Variants in SCLY observed in about 807,000 individuals in gnomAD.
SCLY encodes the protein selenocysteine lyase, also known as putative selenocysteine lyase.
SCLY carries 38 observed loss-of-function variants against 50.1 expected under a neutral mutation model. The ratio of observed to expected loss-of-function variants is 0.76; its 90% CI spans 0.59 to 0.99. SCLY has a LOEUF of 0.99. Among genes scored for constraint, SCLY ranks in the 50% least tolerant of loss-of-function variants. The probability of loss-of-function intolerance (pLI) is 0.00; values close to 1 mark genes in which losing one functional copy is unlikely to be tolerated. For missense variants in SCLY, 600 were observed against 620.0 expected (o/e 0.97, Z 0.34); for synonymous variants, 243 against 249.4 (o/e 0.97, Z 0.24).
intron 4 of SCLY, chr2:238,073,841 A>G (rs1269798694): frequency 2.2e-6 from 1 of 448,028 alleles, no homozygotes. Context: ...CTTCCACTTA[A>G]TTAATAGTAA....
intron 6 of SCLY, chr2:238,082,741 A>G (rs769671732): frequency 8.4e-5 from 15 of 179,498 alleles, no homozygotes; most frequent in Non-Finnish European, 1.4e-4. Flanking sequence ...GGCCCGAGAT[A>G]TTTTTAGTAC....
At chr2:238,068,782 TAACA>T (rs902084277) in intron 3 of SCLY, among the ~76,000 whole-genome samples, 4 of 152,242 alleles carry the variant, frequency 2.6e-5, no homozygotes, top group South Asian at 2.1e-4. Flanking sequence ...GGTTTTGCTG[TAACA>T]AACAGTGCTG....
intron 4 of SCLY, among the ~76,000 whole-genome samples, chr2:238,075,558 T>G (rs2065165130): frequency 6.6e-6 from 1 of 152,210 alleles, no homozygotes; most frequent in African/African-American, 2.4e-5. Flanking sequence ...TCTTTACTTT[T>G]TATAGGTTTG....
rs116614233 is a variant in SCLY, at chr2:238,083,515, A to C, written c.884+161A>C. ...AACTGGCTCCACTGATTGATTTTAC[A>C]CTGAGGGCTCACAGGACCTGCAGTC... On this transcript the variant is annotated intron_variant, in intron 7 of 11. Coordinates refer to ENST00000254663, the MANE Select transcript of SCLY (RefSeq NM_016510.7). This position sits in a 1 kb window ranked among gnomAD's most constrained non-coding sequence, Gnocchi z 4.3. Among the ~76,000 whole-genome samples the C allele has an allele frequency of 1.9e-3, 282 of 152,278 alleles. 1 individual carries two copies. The highest frequency in any genetic ancestry group is 6.4e-3 in the African/African-American group (266 of 41,562).
rs562920709 is a variant in SCLY, at chr2:238,086,942, C to T, written c.884+3588C>T. On this transcript the variant is annotated intron_variant, in intron 7 of 11. Coordinates refer to ENST00000254663, the MANE Select transcript of SCLY (RefSeq NM_016510.7). ...GCTGAGGCAGGAGAATCGCTTGAAC[C>T]CGGGAGGCAGAGGTTGTGGTGACCC... Among the ~76,000 whole-genome samples the T allele has an allele frequency of 7.9e-5, 12 of 151,392 alleles. 1 individual carries two copies. The East Asian group carries it at 2.3e-3, about 30-fold the overall frequency.
chr2:238,091,520 C>CGACCACCG, intron 8 of SCLY: 5 of 447,138 alleles, frequency 1.1e-5, no homozygotes, highest in East Asian at 4.0e-5. Context: ...ACTGTTACAG[C>CGACCACCG]AGAGGTGAAG....
rs1026313584 is a variant in SCLY, at chr2:238,068,171, G to A, written c.303+6G>A. On this transcript the variant is annotated splice_donor_region_variant and intron_variant, in intron 3 of 11. Coordinates refer to ENST00000254663, the MANE Select transcript of SCLY (RefSeq NM_016510.7). The stretch of plus-strand genomic sequence containing the variant: ...TCACTTCCGGGGGCACTGAGGTAAA[G>A]CTTCTGAACACACTCACATTCTGTT... 6.4e-7 allele frequency: 1 copy of A among 1,561,310 alleles called. No individual in the cohort carries two copies. Among genetic ancestry groups the A allele is most frequent in the African/African-American group, 1.4e-5 (1 of 73,468 alleles).
rs2065083826 is a variant in SCLY, at chr2:238,067,760, T to C, written c.203-305T>C. Among the ~76,000 whole-genome samples, 1 of 152,214 alleles carries C rather than the reference T, an allele frequency of 6.6e-6. No homozygotes were observed. The highest frequency in any genetic ancestry group is 1.5e-5 in the Non-Finnish European group (1 of 68,038). On this transcript the variant is annotated intron_variant, in intron 2 of 11. Coordinates refer to ENST00000254663, the MANE Select transcript of SCLY (RefSeq NM_016510.7). This position sits in a 1 kb window ranked among gnomAD's most constrained non-coding sequence, Gnocchi z 4.3. ...GGCCACAGCTGCCCTCCCTCTAGCATCCAGTAAGAAGAAAGCCACATCTTG... is the reference window on the plus strand; with the variant it reads ...GGCCACAGCTGCCCTCCCTCTAGCACCCAGTAAGAAGAAAGCCACATCTTG...
intron 4 of SCLY, chr2:238,079,989 T>C (rs540506178): frequency 2.0e-5 from 3 of 152,364 alleles, no homozygotes; most frequent in East Asian, 1.9e-4. Flanking sequence ...TCCTGTCTTA[T>C]ATTTGGATTT....
intron 11 of SCLY, among the ~76,000 whole-genome samples, chr2:238,097,168 C>CGGGCTGGGGTGGGCTGGGGT (rs1310621335): frequency 1.1e-3 from 6 of 5,508 alleles, no homozygotes; most frequent in Non-Finnish European, 1.8e-3. Flanking sequence ...AGGGCTGGGG[C>CGGGCTGGGGTGGGCTGGGGT]GGGCTGGGGT....
intron 8 of SCLY, chr2:238,091,551 A>ATC: frequency 3.0e-5 from 12 of 404,472 alleles, no homozygotes; most frequent in Non-Finnish European, 4.2e-5. Flanking sequence ...CAGGTTCACC[A>ATC]TTCCCAAAGG....
rs964124983 is a variant in SCLY at position 238,099,125 on chromosome 2, C to T, written c.*770C>T. The T allele has an allele frequency of 1.0e-5, 4 of 399,672 alleles. No individual in the cohort carries two copies. Among genetic ancestry groups the T allele is most frequent in the Non-Finnish European group, 2.0e-5 (4 of 196,702 alleles). 24.8% of individuals were successfully genotyped at this position (399,672 alleles called of 1,614,324 possible). A position where few individuals can be genotyped will look rare whatever the true frequency, so the allele number is the denominator to read the frequency against. On this transcript the variant is annotated 3_prime_UTR_variant, in exon 12 of 12. Transcript: ENST00000254663. ...TTGTCCCTTTTGATCATTATTAACT[C>T]AGGGTTTCAGCTCCAACCTCGCTGA...
chr2:238,076,890 A>G (rs1255044556), intron 4 of SCLY, among the ~76,000 whole-genome samples: 1 of 152,182 alleles, frequency 6.6e-6, no homozygotes, highest in Non-Finnish European at 1.5e-5. Flanking sequence ...GTAGACATAT[A>G]TCCTAGAGTA....
chr2:238,070,517 TA>T (rs2065117743), intron 4 of SCLY, among the ~76,000 whole-genome samples: 1 of 151,942 alleles, frequency 6.6e-6, no homozygotes, highest in South Asian at 2.1e-4. Flanking sequence ...CCATCTCTAC[TA>T]AAAATACAAA....
At chr2:238,094,587 T>C (rs762750788) in intron 10 of SCLY, 65 bp downstream of exon 10, 1 of 1,351,174 alleles carries the variant, frequency 7.4e-7, no homozygotes. Flanking sequence ...TGGATTCTGG[T>C]CCGAGCCAGT....
chr2:238,081,611 C>T (rs772185280), intron 4 of SCLY, 98 bp from the exon 5 acceptor site: 1 of 1,486,454 alleles, frequency 6.7e-7, no homozygotes, highest in Non-Finnish European at 9.1e-7. Context: ...CAACAATTTA[C>T]TTTTATAGTT....
At chr2:238,081,596 T>G in intron 4 of SCLY, 113 bp from the exon 5 acceptor site, 1 of 1,436,848 alleles carries the variant, frequency 7.0e-7, no homozygotes, top group South Asian at 1.3e-5. Flanking sequence ...TCTTCTGAAC[T>G]TGGACAACAA....
chr2:238,098,818 C>G lies in SCLY; in HGVS notation c.*463C>G, dbSNP rs555270182. On this transcript the variant is annotated 3_prime_UTR_variant, in exon 12 of 12. Transcript: ENST00000254663. Reference sequence around the variant, plus strand: ...TAACTCATTGTCAGCCAAATGCTATCATGAACGTAGGAAACTTGATTTTTT... The same window carrying G: ...TAACTCATTGTCAGCCAAATGCTATGATGAACGTAGGAAACTTGATTTTTT... The G allele has an allele frequency of 1.5e-5, 5 of 331,540 alleles. No homozygotes were observed. In the South Asian group the frequency reaches 4.0e-4, roughly 27 times the overall value. The allele number at this position is 331,540 out of a possible 1,614,324, so 20.5% of individuals were successfully genotyped here. A position where few individuals can be genotyped will look rare whatever the true frequency, so the allele number is the denominator to read the frequency against.
rs563642516 is a variant in SCLY at position 238,068,284 on chromosome 2, C to T, written c.303+119C>T. The T allele has an allele frequency of 3.8e-6, 3 of 780,318 alleles. No individual in the cohort carries two copies. In the East Asian group the frequency reaches 8.9e-5, roughly 23 times the overall value. 48.3% of individuals were successfully genotyped at this position (780,318 alleles called of 1,614,324 possible). ...AAAGAGTAGGCCAAGTGTGGTGGCT[C>T]ATGCCTGTAATCCCAGTACTTTGGG... On this transcript the variant is annotated intron_variant, in intron 3 of 11. Transcript: ENST00000254663.
Sources: allele counts gnomAD v4.1 joint callset (sites outside exome capture counted in the v4.1 genomes callset), GRCh38; gene constraint gnomAD v4.1.1; non-coding constraint Gnocchi (gnomAD v3.1); transcripts MANE v1.5; gene names NCBI Gene and HGNC (gene_info 2026-07-23, HGNC 2026-07-21).